Variants in SUPT16H observed in about 807,000 individuals in gnomAD.
The protein encoded by SUPT16H is FACT complex subunit SPT16.
In SUPT16H, 24 loss-of-function variants were observed where a neutral mutation model predicts 136.2. The observed-to-expected ratio is 0.18, with a 90% CI of 0.13 to 0.25. SUPT16H has a LOEUF of 0.25. Among genes scored for constraint, SUPT16H ranks in the 10% least tolerant of loss-of-function variants. The pLI is 1.00. For missense variants in SUPT16H, 623 were observed against 1,270.2 expected (o/e 0.49, Z 7.74); for synonymous variants, 415 against 428.2 (o/e 0.97, Z 0.38).
intron 1 of SUPT16H, among the ~76,000 whole-genome samples, chr14:21,373,761 CTT>C (rs1326792740): frequency 6.6e-6 from 1 of 152,030 alleles, no homozygotes; most frequent in African/African-American, 2.4e-5. Flanking sequence ...GAGTTTGACT[CTT>C]GTTGCCCAGG....
intron 7 of SUPT16H, among the ~76,000 whole-genome samples, chr14:21,367,231 C>T (rs1436232062): frequency 6.6e-6 from 1 of 152,150 alleles, no homozygotes; most frequent in Non-Finnish European, 1.5e-5. Context: ...ATACCCGGCC[C>T]CGATCCCATT....
intron 3 of SUPT16H, among the ~76,000 whole-genome samples, chr14:21,371,441 C>G (rs1181521013): frequency 6.6e-6 from 1 of 152,096 alleles, no homozygotes; most frequent in African/African-American, 2.4e-5. Context: ...TCTTCAGAAA[C>G]AGTTAAGAAA....
chr14:21,360,625 G>A, intron 17 of SUPT16H, 92 bp from the exon 18 acceptor site: 2 of 1,267,698 alleles, frequency 1.6e-6, no homozygotes, highest in Non-Finnish European at 2.2e-6. Context: ...CAGGGTCAGA[G>A]GAAACACCAA....
chr14:21,370,553 G>GT, intron 3 of SUPT16H, 65 bp from the exon 4 acceptor site: 2 of 1,519,508 alleles, frequency 1.3e-6, no homozygotes, highest in Non-Finnish European at 1.8e-6. Context: ...CGTTTTACCA[G>GT]TAACAGGTAG....
Position 21,373,362 on chromosome 14 carries a change from A to G in SUPT16H, c.135T>C (p.Val45=). The change falls in exon 2 of 26, where the codon GTT becomes GTC. Residue 45 remains valine, a synonymous_variant. Coordinates refer to ENST00000216297, the MANE Select transcript of SUPT16H (RefSeq NM_007192.4). ...CCTGTAAGGCAGTTGATTTGGCATA[A>G]ACAATTTCTTCATCAACACCCACTG... ...VVSVGVDEEI[V]YAKSTALQTW... The G allele has an allele frequency of 6.2e-7, 1 of 1,614,144 alleles. No homozygotes were observed. The highest frequency in any genetic ancestry group is 1.1e-5 in the South Asian group (1 of 91,080).
In SUPT16H at chr14:21,352,136, C is replaced by A. The variant is rs2139391333; in HGVS notation, c.*537G>T. On this transcript the variant is annotated 3_prime_UTR_variant, in exon 26 of 26. Transcript: ENST00000216297. The stretch of plus-strand genomic sequence containing the variant: ...GAAAACTCAGACGAAGGCACCAGCC[C>A]AATCTGCCTCACTGGCTCAAGCTGT... 1 of 157,266 alleles carries A rather than the reference C, an allele frequency of 6.4e-6. No homozygotes were observed. Among genetic ancestry groups the A allele is most frequent in the East Asian group, 1.9e-4 (1 of 5,332 alleles). 9.7% of individuals were successfully genotyped at this position (157,266 alleles called of 1,614,324 possible).
intron 6 of SUPT16H, 141 bp downstream of exon 6, chr14:21,369,063 C>A: frequency 2.2e-6 from 2 of 896,540 alleles, no homozygotes; most frequent in Non-Finnish European, 3.2e-6. Flanking sequence ...TGATGGACAC[C>A]CAAGATAATG....
At chr14:21,359,266 T>C (rs1886500451) in intron 19 of SUPT16H, among the ~76,000 whole-genome samples, 2 of 152,122 alleles carry the variant, frequency 1.3e-5, no homozygotes, top group Non-Finnish European at 2.9e-5. Flanking sequence ...AGCTAATTTA[T>C]GTATTTTTAG....
intron 1 of SUPT16H, among the ~76,000 whole-genome samples, chr14:21,381,661 G>A (rs924481171): frequency 2.6e-5 from 4 of 151,004 alleles, no homozygotes; most frequent in African/African-American, 7.3e-5. Context: ...CCAGGCTGGA[G>A]TGCAGTGATG....
rs764905466 is a variant in SUPT16H, at chr14:21,354,547, G to T, written c.2661-7C>A. ...GTATTTCAGGTCGCAGGAACTAAGAGAAATGACATGACAAAGTCAAATCAA... is the reference window on the plus strand; with the variant it reads ...GTATTTCAGGTCGCAGGAACTAAGATAAATGACATGACAAAGTCAAATCAA... On this transcript the variant is annotated splice_polypyrimidine_tract_variant and splice_region_variant and intron_variant, in intron 22 of 25. Coordinates refer to ENST00000216297, the MANE Select transcript of SUPT16H (RefSeq NM_007192.4). 1.2e-6 allele frequency: 2 copies of T among 1,611,738 alleles called. No homozygotes were observed. The highest frequency in any genetic ancestry group is 2.2e-5 in the East Asian group (1 of 44,846).
Position 21,352,439 on chromosome 14 carries a change from T to G in SUPT16H, c.*234A>C. 1.7e-6 allele frequency: 1 copy of G among 580,540 alleles called. No individual in the cohort carries two copies. Among genetic ancestry groups the G allele is most frequent in the South Asian group, 2.2e-5 (1 of 45,790 alleles). 36.0% of individuals were successfully genotyped at this position (580,540 alleles called of 1,614,324 possible). A position where few individuals can be genotyped will look rare whatever the true frequency, so the allele number is the denominator to read the frequency against. ...ATATTTATTAACAGCGGGAGCCTCC[T>G]CCTGTCTTCAAGAACACCTCCTCCC... On this transcript the variant is annotated 3_prime_UTR_variant, in exon 26 of 26. Coordinates refer to ENST00000216297, the MANE Select transcript of SUPT16H (RefSeq NM_007192.4).
In SUPT16H at chr14:21,373,371, T is replaced by C; in HGVS notation, c.126A>G (p.Glu42=). Residue 42 remains glutamate (E), a synonymous_variant, in exon 2 of 26, where the codon GAA becomes GAG. Transcript: ENST00000216297. ...DAIVVSVGVD[E]EIVYAKSTAL... is the part of the protein sequence containing the mutation. ...CAGTTGATTTGGCATAAACAATTTC[T>C]TCATCAACACCCACTGATACAACAA... is the stretch of plus-strand genomic sequence containing the variant. 1.9e-6 allele frequency: 3 copies of C among 1,614,146 alleles called. No homozygotes were observed. Among genetic ancestry groups the C allele is most frequent in the South Asian group, 2.2e-5 (2 of 91,082 alleles).
chr14:21,378,871 A>C (rs57596225), intron 1 of SUPT16H, among the ~76,000 whole-genome samples: 3,461 of 152,292 alleles, frequency 0.023, 137 homozygotes, highest in African/African-American at 0.08. Flanking sequence ...AATAATTTTG[A>C]AAGTGAGAGT....
At chr14:21,364,480 A>G (rs1210846908) in intron 10 of SUPT16H, among the ~76,000 whole-genome samples, 1 of 152,198 alleles carries the variant, frequency 6.6e-6, no homozygotes, top group African/African-American at 2.4e-5. Context: ...AATACTAAAA[A>G]TCACTAAATT....
chr14:21,353,915 C>T, intron 23 of SUPT16H, 83 bp from the exon 24 acceptor site: 1 of 1,332,920 alleles, frequency 7.5e-7, no homozygotes, highest in Non-Finnish European at 1.0e-6. Context: ...ACATAGTATA[C>T]CAGTATTTAC....
At chr14:21,378,075 G>T (rs1886942604) in intron 1 of SUPT16H, among the ~76,000 whole-genome samples, 1 of 152,104 alleles carries the variant, frequency 6.6e-6, no homozygotes, top group African/African-American at 2.4e-5. Context: ...ATAATGTGGG[G>T]GGTGGAAGTG....
chr14:21,377,973 A>G (rs1300416502), intron 1 of SUPT16H, among the ~76,000 whole-genome samples: 1 of 152,166 alleles, frequency 6.6e-6, no homozygotes, highest in African/African-American at 2.4e-5. Flanking sequence ...TAAAGAAAAA[A>G]CAAAGCAGAG....
At chr14:21,355,285 G>C (rs1041447103) in intron 22 of SUPT16H, among the ~76,000 whole-genome samples, 2 of 152,020 alleles carry the variant, frequency 1.3e-5, no homozygotes, top group Admixed American at 1.3e-4. Context: ...ACGAGGTCAG[G>C]AGATCGAGAC....
chr14:21,355,572 TTTC>T (rs1886416368), intron 22 of SUPT16H, among the ~76,000 whole-genome samples: 1 of 151,580 alleles, frequency 6.6e-6, no homozygotes, highest in Non-Finnish European at 1.5e-5. Context: ...GGCCCTAGCC[TTTC>T]TTCTTCAACC....
Sources: gnomAD v4.1 joint callset for allele counts (sites outside exome capture counted in the v4.1 genomes callset) on GRCh38, gnomAD v4.1.1 for gene constraint, MANE v1.5 for transcripts, NCBI Gene and HGNC (gene_info 2026-07-23, HGNC 2026-07-21) for gene names.